The following FRG1 variants were observed in gnomAD, a reference collection of about 807,000 sequenced individuals.
FRG1 encodes FSHD region gene 1.
Under a neutral mutation model 37.0 loss-of-function variants are expected in FRG1, and 19 were observed. That is an observed-to-expected ratio of 0.51 (90% CI 0.36 to 0.75). The LOEUF (loss-of-function observed/expected upper bound fraction) is 0.75. Among genes scored for constraint, FRG1 ranks in the 30% least tolerant of loss-of-function variants. The pLI, the probability that FRG1 is intolerant of heterozygous loss-of-function variation, is 0.00. For missense variants in FRG1, 243 were observed against 301.4 expected (o/e 0.81, Z 1.44); for synonymous variants, 73 against 96.5 (o/e 0.76, Z 1.43).
intron 1 of FRG1, among the ~76,000 whole-genome samples, chr4:189,942,517 G>C (rs1736357395): frequency 6.6e-6 from 1 of 152,062 alleles, no homozygotes; most frequent in Non-Finnish European, 1.5e-5. Context: ...CATTATTGAG[G>C]TTCATCATTG....
At position 189,943,255 on chromosome 4, in the gene FRG1, C is replaced by G; in HGVS notation, c.116C>G (p.Thr39Ser). Residue 39 changes from threonine to serine, a missense_variant, in exon 2 of 9, where the codon ACC (threonine) becomes AGC (serine). Thr to Ser is a moderately conservative substitution (Grantham distance 58). This residue lies in a region of FRG1 where 110 missense variants were observed against 102.2 expected (regional missense o/e 1.08). Coordinates refer to ENST00000226798, the MANE Select transcript of FRG1 (RefSeq NM_004477.3). ...AGAAAAAGAGAAGAAGATGAAGAAACCCAGCTTGATATTGTTGGTGAGTCA... is the reference window on the plus strand; with the variant it reads ...AGAAAAAGAGAAGAAGATGAAGAAAGCCAGCTTGATATTGTTGGTGAGTCA... Reference protein sequence around the residue: ...KKRKREEDEETQLDIVGIWWT... With the variant: ...KKRKREEDEESQLDIVGIWWT... 1 of 1,608,516 alleles carries G rather than the reference C, an allele frequency of 6.2e-7. No homozygotes were observed. Among genetic ancestry groups the G allele is most frequent in the South Asian group, 1.1e-5 (1 of 89,656 alleles).
chr4:189,946,702 T>G (rs189840027), intron 2 of FRG1, among the ~76,000 whole-genome samples: 1 of 152,226 alleles, frequency 6.6e-6, no homozygotes, highest in Non-Finnish European at 1.5e-5. Context: ...TTGTTTTTAA[T>G]TTCTACTACA....
intron 6 of FRG1, chr4:189,959,917 C>T: frequency 1.0e-6 from 1 of 979,306 alleles, no homozygotes. Context: ...ATCCCTCTTA[C>T]TAAAGGTAGC....
chr4:189,954,934 T>G (rs1198969436), intron 4 of FRG1, 103 bp from the exon 5 acceptor site: 2 of 662,074 alleles, frequency 3.0e-6, no homozygotes, highest in Non-Finnish European at 5.3e-6. Context: ...AGTCTGAAAT[T>G]TTAGATATGT....
intron 2 of FRG1, among the ~76,000 whole-genome samples, chr4:189,944,049 T>C (rs1736425475): frequency 6.6e-6 from 1 of 152,218 alleles, no homozygotes; most frequent in Non-Finnish European, 1.5e-5. Flanking sequence ...AAAGTGGTTG[T>C]GCCATTTTAC....
At chr4:189,943,360 A>C (rs1349116748) in intron 2 of FRG1, 88 bp downstream of exon 2, 4 of 1,449,950 alleles carry the variant, frequency 2.8e-6, no homozygotes, top group Non-Finnish European at 3.7e-6. Context: ...GAAATTTATG[A>C]TGTATTCATA....
chr4:189,959,678 C>T (rs1434293958), intron 6 of FRG1, among the ~76,000 whole-genome samples: 2 of 152,188 alleles, frequency 1.3e-5, no homozygotes, highest in East Asian at 1.9e-4. Context: ...CAGTGCTTTG[C>T]ACTTATACAA....
intron 2 of FRG1, among the ~76,000 whole-genome samples, chr4:189,949,601 A>C (rs1736668201): frequency 6.6e-6 from 1 of 152,184 alleles, no homozygotes; most frequent in Admixed American, 6.5e-5. Flanking sequence ...GATTTTATTT[A>C]ATATTAAGTG....
intron 1 of FRG1, among the ~76,000 whole-genome samples, chr4:189,942,816 A>G (rs1736375211): frequency 1.3e-5 from 2 of 152,238 alleles, no homozygotes; most frequent in Admixed American, 6.5e-5. Flanking sequence ...CATTTCCACC[A>G]GGAATGTGTG....
In FRG1 at chr4:189,951,763, C is replaced by T. The variant is rs1164274425; in HGVS notation, c.134-399C>T. On this transcript the variant is annotated intron_variant, in intron 2 of 8. Coordinates refer to ENST00000226798, the MANE Select transcript of FRG1 (RefSeq NM_004477.3). The stretch of plus-strand genomic sequence containing the variant: ...TCACTATAACGTTGAACTCTGGGCT[C>T]AAGTGATCCTCTTTCCCCAGCTCCC... Among the ~76,000 whole-genome samples, 5 of 152,038 alleles carry T rather than the reference C, an allele frequency of 3.3e-5. 1 individual carries two copies. The highest frequency in any genetic ancestry group is 5.9e-5 in the Non-Finnish European group (4 of 68,016).
rs948563749 is a variant in FRG1, at chr4:189,961,533, G to A, written c.630-289G>A. ...TGTGATTCTCCTGCCTCAGCCTCCC[G>A]AGTAGCTGGGACTACAGGCGCGTGC... On this transcript the variant is annotated intron_variant, in intron 7 of 8. Transcript: ENST00000226798. The A allele has an allele frequency of 4.3e-5, 8 of 187,400 alleles. No individual in the cohort carries two copies. The Admixed American group carries it at 4.3e-4, about 10-fold the overall frequency. 11.6% of individuals were successfully genotyped at this position (187,400 alleles called of 1,614,324 possible).
rs766671606 is a variant in FRG1 at position 189,940,985 on chromosome 4, C to T, written c.-25C>T. 34 of 1,607,474 alleles carry T rather than the reference C, an allele frequency of 2.1e-5. No individual in the cohort carries two copies. Among genetic ancestry groups the T allele is most frequent in the Non-Finnish European group, 2.7e-5 (32 of 1,174,864 alleles). On this transcript the variant is annotated 5_prime_UTR_variant, in exon 1 of 9. Coordinates refer to ENST00000226798, the MANE Select transcript of FRG1 (RefSeq NM_004477.3). The stretch of plus-strand genomic sequence containing the variant: ...ACTCGTCCAGAACCGGCCTCAGCCT[C>T]TCCGCGCAGAAGTTTCCCGGAGCCA...
At chr4:189,949,459 T>C (rs1209923543) in intron 2 of FRG1, among the ~76,000 whole-genome samples, 2 of 152,254 alleles carry the variant, frequency 1.3e-5, no homozygotes, top group Non-Finnish European at 2.9e-5. Flanking sequence ...AATTTCTTTT[T>C]CAGTTGACAA....
chr4:189,941,365 G>A (rs900139732), intron 1 of FRG1, among the ~76,000 whole-genome samples: 1 of 152,240 alleles, frequency 6.6e-6, no homozygotes, highest in African/African-American at 2.4e-5. Flanking sequence ...TGCCTGGGGG[G>A]TCTGCATTAG....
intron 2 of FRG1, among the ~76,000 whole-genome samples, chr4:189,947,726 A>G (rs77741378): frequency 6.6e-6 from 1 of 152,214 alleles, no homozygotes; most frequent in African/African-American, 2.4e-5. Context: ...ACAGACCTGC[A>G]GAGAACTTTT....
In FRG1 at chr4:189,957,361, G is replaced by A. The variant is rs750217129; in HGVS notation, c.433-37G>A. On this transcript the variant is annotated intron_variant, in intron 5 of 8. Coordinates refer to ENST00000226798, the MANE Select transcript of FRG1 (RefSeq NM_004477.3). ...ACACTTAATGTTTCTCCCACAAGAAGTATCCTCATGGCTATTTTGTTATTT... is the reference window on the plus strand; with the variant it reads ...ACACTTAATGTTTCTCCCACAAGAAATATCCTCATGGCTATTTTGTTATTT... The A allele has an allele frequency of 2.9e-5, 45 of 1,543,714 alleles. 1 individual carries two copies. In the Admixed American group the frequency reaches 8.1e-4, roughly 28 times the overall value.
intron 1 of FRG1, among the ~76,000 whole-genome samples, chr4:189,941,612 C>T (rs538767137): frequency 6.6e-6 from 1 of 152,240 alleles, no homozygotes; most frequent in East Asian, 1.9e-4. Flanking sequence ...TCTGAACTTC[C>T]ATTTACTCAT....
chr4:189,962,658 AT>A (rs1289289382), intron 8 of FRG1, among the ~76,000 whole-genome samples: 2 of 152,144 alleles, frequency 1.3e-5, no homozygotes, highest in Non-Finnish European at 2.9e-5. Flanking sequence ...AATGTTAAGA[AT>A]TTTTTCCAGC....
chr4:189,960,956 T>C, intron 7 of FRG1, 117 bp downstream of exon 7: 1 of 1,160,228 alleles, frequency 8.6e-7, no homozygotes, highest in Non-Finnish European at 1.2e-6. Context: ...TAGGCCCAGC[T>C]ACTCGGGAGG....
Sources: allele counts gnomAD v4.1 joint callset (sites outside exome capture counted in the v4.1 genomes callset), GRCh38; gene constraint gnomAD v4.1.1; regional missense constraint gnomAD v4.1.1; transcripts MANE v1.5; gene names NCBI Gene and HGNC (gene_info 2026-07-23, HGNC 2026-07-21).